The following FUT9 variants were observed in gnomAD, a reference collection of about 807,000 sequenced individuals.
FUT9 encodes fucosyltransferase 9.
In FUT9, 15 loss-of-function variants were observed where a neutral mutation model predicts 29.7. The observed-to-expected ratio is 0.51, with a 90% CI of 0.34 to 0.78. The LOEUF (loss-of-function observed/expected upper bound fraction) is 0.78, where lower values mean the gene tolerates loss of function less well. FUT9 is among the 30% of genes least tolerant of loss of function. The pLI is 0.01. For synonymous variants in FUT9, 169 were observed against 153.7 expected, an observed-to-expected ratio of 1.10 and a Z score of -0.74; for missense variants, 319 against 425.4, an observed-to-expected ratio of 0.75 and a Z score of 2.20.
In FUT9 at chr6:96,172,198, G is replaced by A. The variant is rs117491359; in HGVS notation, c.-8-30950G>A. ...ATGGGAGAGGGGGCTTCATTCTCAG[G>A]ACCTAATGAATTCCCCAAATCCCAA... On this transcript the variant is annotated intron_variant, in intron 2 of 2. Coordinates refer to ENST00000302103, the MANE Select transcript of FUT9 (RefSeq NM_006581.4). 2.8e-3 allele frequency among the ~76,000 whole-genome samples: 432 copies of A among 152,120 alleles called. 11 individuals are homozygous for A. The East Asian group carries it at 0.05, about 18-fold the overall frequency.
intron 2 of FUT9, among the ~76,000 whole-genome samples, chr6:96,123,044 C>A (rs1416975738): frequency 5.2e-5 from 6 of 116,070 alleles, no homozygotes; most frequent in Non-Finnish European, 9.6e-5. Context: ...TAGGAGACAG[C>A]CGCGAGACTC....
chr6:96,061,260 T>C (rs937820736), intron 1 of FUT9, among the ~76,000 whole-genome samples: 1 of 150,734 alleles, frequency 6.6e-6, no homozygotes, highest in African/African-American at 2.4e-5. Context: ...CCCTTAAGAA[T>C]GATTTTATCA....
chr6:96,102,994 G>A (rs1340813352), intron 1 of FUT9, among the ~76,000 whole-genome samples: 2 of 152,130 alleles, frequency 1.3e-5, no homozygotes, highest in African/African-American at 4.8e-5. Context: ...ACAAAGCCAA[G>A]AGAGTGGTAG....
At chr6:96,198,249 C>G (rs1275998841) in intron 2 of FUT9, among the ~76,000 whole-genome samples, 2 of 151,698 alleles carry the variant, frequency 1.3e-5, no homozygotes, top group South Asian at 4.2e-4. Context: ...GTATATCTCC[C>G]AATGCTATCC....
intron 1 of FUT9, among the ~76,000 whole-genome samples, chr6:96,113,668 C>T (rs924785897): frequency 3.3e-5 from 5 of 151,458 alleles, no homozygotes; most frequent in East Asian, 2.0e-4. Context: ...CTGGCTAACA[C>T]GGTGAAACCC....
intron 1 of FUT9, among the ~76,000 whole-genome samples, chr6:96,110,412 C>T (rs935789619): frequency 1.3e-5 from 2 of 152,146 alleles, no homozygotes; most frequent in African/African-American, 4.8e-5. Context: ...CACAGGGCCT[C>T]CTTGACTGCT....
intron 2 of FUT9, among the ~76,000 whole-genome samples, chr6:96,172,340 T>C (rs1773126806): frequency 6.6e-6 from 1 of 152,194 alleles, no homozygotes; most frequent in Non-Finnish European, 1.5e-5. Context: ...AAAATTTCTT[T>C]TAACATTTTT....
At chr6:96,179,261 C>A (rs193126624) in intron 2 of FUT9, among the ~76,000 whole-genome samples, 124 of 152,190 alleles carry the variant, frequency 8.1e-4, no homozygotes, top group African/African-American at 2.8e-3. Flanking sequence ...CATATTTACT[C>A]ATTTAGTAGA....
chr6:96,190,975 G>A (rs1489356675), intron 2 of FUT9, among the ~76,000 whole-genome samples: 1 of 152,124 alleles, frequency 6.6e-6, no homozygotes, highest in Non-Finnish European at 1.5e-5. Context: ...TGAAGGGGGA[G>A]AGGCACTCTG....
chr6:96,203,125 TTCTG>T lies in FUT9; in HGVS notation c.-8-19_-8-16del, dbSNP rs751118061. 2 of 1,549,536 alleles carry T rather than the reference TTCTG, an allele frequency of 1.3e-6. No homozygotes were observed. Among genetic ancestry groups the T allele is most frequent in the East Asian group, 4.5e-5 (2 of 44,086 alleles). On this transcript the variant is annotated intron_variant, in intron 2 of 2. Coordinates refer to ENST00000302103, the MANE Select transcript of FUT9 (RefSeq NM_006581.4). ...TCTTCATTCCCACCGCTACCTCCCC[TTCTG>T]TCTTTCTCTATTTCGTAGGAAAAAT...
chr6:96,067,763 C>T (rs1184790990), intron 1 of FUT9, among the ~76,000 whole-genome samples: 1 of 152,068 alleles, frequency 6.6e-6, no homozygotes, highest in Non-Finnish European at 1.5e-5. Flanking sequence ...AAAGAACCAA[C>T]TTCGTGTGGA....
intron 2 of FUT9, among the ~76,000 whole-genome samples, chr6:96,191,616 G>C (rs2127988810): frequency 6.6e-6 from 1 of 152,236 alleles, no homozygotes; most frequent in African/African-American, 2.4e-5. Context: ...AAAAGTCCAG[G>C]ACCAGAAGGC....
intron 2 of FUT9, among the ~76,000 whole-genome samples, chr6:96,142,039 A>G (rs1224931644): frequency 6.6e-6 from 1 of 152,240 alleles, no homozygotes; most frequent in Admixed American, 6.5e-5. Flanking sequence ...TGGCAGTATC[A>G]GGAGTAAGAC....
At chr6:96,045,091 T>A (rs2127935099) in intron 1 of FUT9, among the ~76,000 whole-genome samples, 1 of 152,138 alleles carries the variant, frequency 6.6e-6, no homozygotes, top group African/African-American at 2.4e-5. Context: ...ATTTAGGGAG[T>A]TAAACATGCC....
rs191972501 is a variant in FUT9, at chr6:96,092,966, C to T, written c.-97-21073C>T. ...AAAAAATCATAGAGACAGAGTCTTG[C>T]TATGTTTCCCAGGCTGGTCTCAAAG... On this transcript the variant is annotated intron_variant, in intron 1 of 2. Coordinates refer to ENST00000302103, the MANE Select transcript of FUT9 (RefSeq NM_006581.4). Among the ~76,000 whole-genome samples, 1,344 of 152,144 alleles carry T rather than the reference C, an allele frequency of 8.8e-3. 8 individuals carry two copies. Among genetic ancestry groups the T allele is most frequent in the Non-Finnish European group, 0.013 (901 of 67,978 alleles).
At chr6:96,176,888 T>C (rs1022671028) in intron 2 of FUT9, among the ~76,000 whole-genome samples, 2 of 152,164 alleles carry the variant, frequency 1.3e-5, no homozygotes, top group African/African-American at 4.8e-5. Context: ...TGCCGCTTAG[T>C]CTTAGGCTCT....
intron 2 of FUT9, among the ~76,000 whole-genome samples, chr6:96,186,857 G>C (rs1411231348): frequency 6.6e-6 from 1 of 152,032 alleles, no homozygotes; most frequent in Non-Finnish European, 1.5e-5. Flanking sequence ...CCTTAAAATG[G>C]GTTGAATGAT....
intron 2 of FUT9, among the ~76,000 whole-genome samples, chr6:96,183,830 T>C (rs989325875): frequency 1.3e-5 from 2 of 152,092 alleles, no homozygotes; most frequent in Middle Eastern, 3.2e-3. Flanking sequence ...TGCTGTGTTA[T>C]TGGATTCAGT....
At chr6:96,111,841 A>G (rs1251741347) in intron 1 of FUT9, among the ~76,000 whole-genome samples, 1 of 152,168 alleles carries the variant, frequency 6.6e-6, no homozygotes, top group Non-Finnish European at 1.5e-5. Flanking sequence ...ATATATATGG[A>G]TGTCTATGCC....
Sources: gnomAD v4.1 joint callset for allele counts (sites outside exome capture counted in the v4.1 genomes callset) on GRCh38, gnomAD v4.1.1 for gene constraint, MANE v1.5 for transcripts, NCBI Gene and HGNC (gene_info 2026-07-23, HGNC 2026-07-21) for gene names.